Variants in SYNJ2 observed in about 807,000 individuals in gnomAD.
The protein encoded by SYNJ2 is polyphosphatidylinositol phosphatase SYNJ2.
SYNJ2 carries 116 observed loss-of-function variants against 141.3 expected under a neutral mutation model. That is an observed-to-expected ratio of 0.82 (90% CI 0.71 to 0.96). The LOEUF (loss-of-function observed/expected upper bound fraction) is 0.96. SYNJ2 is among the 40% of genes least tolerant of loss of function. The pLI is 0.00. For synonymous variants in SYNJ2, 745 were observed against 777.7 expected (o/e 0.96, Z 0.70); for missense variants, 1,873 against 1,934.8 (o/e 0.97, Z 0.60).
In SYNJ2 at chr6:157,982,117, C is replaced by G. The variant is rs976098933; in HGVS notation, c.127+29C>G. On this transcript the variant is annotated intron_variant, in intron 1 of 26. Transcript: ENST00000355585. The surrounding 1 kb of genome is among the most constrained non-coding windows in gnomAD (Gnocchi z 4.0). ...AGTCCGGGCCGGGGGCAGCGACGCCCGGAGGAGAGGGCGCCCGCATTCGCC... is the reference window on the plus strand; with the variant it reads ...AGTCCGGGCCGGGGGCAGCGACGCCGGGAGGAGAGGGCGCCCGCATTCGCC... 1 of 1,293,118 alleles carries G rather than the reference C, an allele frequency of 7.7e-7. No individual in the cohort carries two copies. Among genetic ancestry groups the G allele is most frequent in the Non-Finnish European group, 9.8e-7 (1 of 1,019,854 alleles). 80.1% of individuals were successfully genotyped at this position (1,293,118 alleles called of 1,614,324 possible). A position where few individuals can be genotyped will look rare whatever the true frequency, so the allele number is the denominator to read the frequency against.
At position 158,095,650 on chromosome 6, in the gene SYNJ2, G is replaced by C. The variant is rs149087901; in HGVS notation, c.3777G>C (p.Gln1259His). Residue 1259 changes from glutamine (Q) to histidine (H), a missense_variant, in exon 27 of 27, where the codon CAG (glutamine) becomes CAC (histidine). By Grantham distance (24) the Gln-to-His change is conservative. Transcript: ENST00000355585. ...CACCGGAAGAACAGTTTGAGCAACA[G>C]ACTGTCCATTTTACAATCGGGCCCC... ...PLSPEEQFEQ[Q>H]TVHFTIGPPE... 4.1e-4 allele frequency: 656 copies of C among 1,611,354 alleles called. 1 individual carries two copies. Among genetic ancestry groups the C allele is most frequent in the Non-Finnish European group, 5.3e-4 (624 of 1,178,942 alleles).
At chr6:158,018,202 C>T (rs1232249782) in intron 2 of SYNJ2, among the ~76,000 whole-genome samples, 4 of 152,120 alleles carry the variant, frequency 2.6e-5, no homozygotes, top group Non-Finnish European at 2.9e-5. Flanking sequence ...CGGTGGTGGC[C>T]GGCTGTCGTG....
chr6:158,009,038 C>T (rs1157909929), intron 1 of SYNJ2, among the ~76,000 whole-genome samples: 1 of 152,164 alleles, frequency 6.6e-6, no homozygotes, highest in East Asian at 1.9e-4. Flanking sequence ...TTGCACGTGC[C>T]CTTCTGGGCC....
chr6:158,008,264 C>G (rs528528664), intron 1 of SYNJ2, among the ~76,000 whole-genome samples: 2 of 152,234 alleles, frequency 1.3e-5, no homozygotes, highest in Non-Finnish European at 2.9e-5. Flanking sequence ...TGAGCCACCA[C>G]GTCTGGCCAT....
intron 1 of SYNJ2, among the ~76,000 whole-genome samples, chr6:157,988,281 A>T (rs1463293451): frequency 6.6e-6 from 1 of 152,066 alleles, no homozygotes; most frequent in Non-Finnish European, 1.5e-5. Flanking sequence ...AGGTTGGGGG[A>T]AGTCGGGGAA....
intron 7 of SYNJ2, 101 bp from the exon 8 acceptor site, chr6:158,061,891 G>T (rs558151151): frequency 1.1e-5 from 13 of 1,219,804 alleles, no homozygotes; most frequent in East Asian, 9.4e-5. Context: ...CCTGCGGCGA[G>T]TCACCTTGGT....
intron 1 of SYNJ2, among the ~76,000 whole-genome samples, chr6:157,995,293 G>C (rs868683547): frequency 1.3e-5 from 2 of 152,172 alleles, no homozygotes; most frequent in South Asian, 4.1e-4. Flanking sequence ...GTTGCTGAGA[G>C]CGTCTCAGAA....
chr6:158,004,311 A>C (rs1777969710), intron 1 of SYNJ2, among the ~76,000 whole-genome samples: 1 of 152,170 alleles, frequency 6.6e-6, no homozygotes, highest in Non-Finnish European at 1.5e-5. Context: ...TTACTGCTAA[A>C]ACAGGTTGTG....
chr6:158,054,858 G>A, intron 5 of SYNJ2, 109 bp from the exon 6 acceptor site: 7 of 1,116,938 alleles, frequency 6.3e-6, no homozygotes, highest in Middle Eastern at 2.4e-4. Context: ...GTGGCCTAGT[G>A]GGTGCCACAT....
At chr6:158,016,631 T>A (rs907789355) in intron 1 of SYNJ2, among the ~76,000 whole-genome samples, 14 of 152,312 alleles carry the variant, frequency 9.2e-5, no homozygotes, top group African/African-American at 3.4e-4. Flanking sequence ...CTGCGCCTAA[T>A]GGTTCTTCCC....
At chr6:158,063,973 ATCAC>A in intron 9 of SYNJ2, 101 bp downstream of exon 9, 1 of 1,245,460 alleles carries the variant, frequency 8.0e-7, no homozygotes, top group Non-Finnish European at 1.2e-6. Context: ...TGAGGGTGGC[ATCAC>A]CAAGACAACC....
intron 1 of SYNJ2, among the ~76,000 whole-genome samples, chr6:157,983,201 C>G (rs1356892892): frequency 6.6e-6 from 1 of 152,222 alleles, no homozygotes; most frequent in Non-Finnish European, 1.5e-5. Context: ...GAAGGACTAT[C>G]TCTCCTATTT....
Position 158,062,132 on chromosome 6 carries a change from T to C in SYNJ2, c.1095T>C (p.Asp365=). The change falls in exon 8 of 27, where the codon GAT becomes GAC. Residue 365 remains aspartate (D), a synonymous_variant. Transcript: ENST00000355585. ...TAAAGCTGCACTGGGAAGACTTCGA[T>C]GTGTTCACAAAGGGGGAGAACGTCA... is the stretch of plus-strand genomic sequence containing the variant. The part of the protein sequence containing the change: ...PQLKLHWEDF[D]VFTKGENVSP... The C allele has an allele frequency of 6.2e-7, 1 of 1,613,956 alleles. No homozygotes were observed. The highest frequency in any genetic ancestry group is 1.1e-5 in the South Asian group (1 of 91,086).
chr6:158,078,048 G>T, intron 17 of SYNJ2, 116 bp from the exon 18 acceptor site: 2 of 659,346 alleles, frequency 3.0e-6, no homozygotes, highest in Non-Finnish European at 2.7e-6. Context: ...AGGAGGATGA[G>T]TCTGGGACGT....
At chr6:158,017,411 T>C (rs1778519742) in intron 2 of SYNJ2, 121 bp downstream of exon 2, 3 of 1,203,606 alleles carry the variant, frequency 2.5e-6, no homozygotes, top group Non-Finnish European at 2.2e-6. Flanking sequence ...TCTTCTTTTT[T>C]TTTTTTTTTT....
At chr6:158,081,784 G>C (rs1220208229) in intron 20 of SYNJ2, among the ~76,000 whole-genome samples, 1 of 151,746 alleles carries the variant, frequency 6.6e-6, no homozygotes, top group Non-Finnish European at 1.5e-5. Context: ...ACCACACCCA[G>C]CTAATTTTTT....
Position 158,058,053 on chromosome 6 carries a change from C to T in SYNJ2, c.858-1204C>T, listed in dbSNP as rs116523813. Reference sequence around the variant, plus strand: ...GTTAGTAAGAGAATGTTTTCTCTTACTGCATAAGAAAAAAAATGATTTTTT... The same window carrying T: ...GTTAGTAAGAGAATGTTTTCTCTTATTGCATAAGAAAAAAAATGATTTTTT... On this transcript the variant is annotated intron_variant, in intron 6 of 26. Transcript: ENST00000355585. 1.5e-3 allele frequency among the ~76,000 whole-genome samples: 231 copies of T among 152,250 alleles called. 2 individuals carry two copies. The highest frequency in any genetic ancestry group is 5.3e-3 in the African/African-American group (219 of 41,538).
At chr6:158,053,569 ATCCACTCAT>A (rs1427022226) in intron 5 of SYNJ2, among the ~76,000 whole-genome samples, 1 of 151,420 alleles carries the variant, frequency 6.6e-6, no homozygotes, top group Admixed American at 6.6e-5. Context: ...CCATCCATTC[ATCCACTCAT>A]TCACCCACCC....
intron 11 of SYNJ2, 26 bp downstream of exon 11, chr6:158,065,017 G>A (rs1402232166): frequency 6.6e-7 from 1 of 1,512,708 alleles, no homozygotes; most frequent in South Asian, 1.3e-5. Context: ...GACAGGGCGA[G>A]GCAGGGAGGT....
Sources: allele counts gnomAD v4.1 joint callset (sites outside exome capture counted in the v4.1 genomes callset), GRCh38; gene constraint gnomAD v4.1.1; non-coding constraint Gnocchi (gnomAD v3.1); transcripts MANE v1.5; gene names NCBI Gene and HGNC (gene_info 2026-07-23, HGNC 2026-07-21).